CLEC18C: variants seen among roughly 807,000 people sequenced by gnomAD.
The protein encoded by CLEC18C is C-type lectin domain family 18 member C.
Under a neutral mutation model 27.2 loss-of-function variants are expected in CLEC18C, and 2 were observed. The ratio of observed to expected loss-of-function variants is 0.07; its 90% CI spans 0.03 to 0.23. The LOEUF (loss-of-function observed/expected upper bound fraction) is 0.23, where lower values mean the gene tolerates loss of function less well. CLEC18C is among the 10% of genes least tolerant of loss of function. The pLI is 1.00. For synonymous variants in CLEC18C, 13 were observed against 112.8 expected (o/e 0.12, Z 5.61); for missense variants, 31 against 269.0 (o/e 0.12, Z 6.19).
intron 4 of CLEC18C, 46 bp downstream of exon 4, chr16:70,177,526 G>C: frequency 7.4e-7 from 1 of 1,347,096 alleles, no homozygotes; most frequent in Non-Finnish European, 1.0e-6. Context: ...CCCAGATACA[G>C]ACTTCCACTG....
chr16:70,176,729 A>G (rs985835879), intron 3 of CLEC18C, among the ~76,000 whole-genome samples: 10 of 107,982 alleles, frequency 9.3e-5, no homozygotes, highest in African/African-American at 3.4e-4. Flanking sequence ...ACTCTGTCTC[A>G]AAAAAAAAAA....
Position 70,185,958 on chromosome 16 carries a change from C to T in CLEC18C, c.1285C>T (p.Arg429Cys), listed in dbSNP as rs144719711. 834 of 1,595,386 alleles carry T rather than the reference C, an allele frequency of 5.2e-4. 35 individuals are homozygous for T. The South Asian group carries it at 5.6e-3, about 11-fold the overall frequency. ...WNNQRCKTRN[R>C]YICQFAQEHI... Reference sequence around the variant, plus strand: ...CAACCAGCGCTGCAAAACCCGAAACCGTTACATCTGCCAGTTTGGTGAGGG... The same window carrying T: ...CAACCAGCGCTGCAAAACCCGAAACTGTTACATCTGCCAGTTTGGTGAGGG... The change falls in exon 12 of 13, where the codon CGT becomes TGT. Residue 429 changes from arginine (R) to cysteine (C), a missense_variant. Coordinates refer to ENST00000541793, the MANE Select transcript of CLEC18C (RefSeq NM_173619.4).
At chr16:70,176,824 G>A (rs1279618781) in intron 3 of CLEC18C, among the ~76,000 whole-genome samples, 2 of 105,912 alleles carry the variant, frequency 1.9e-5, no homozygotes, top group Admixed American at 8.4e-5. Flanking sequence ...GGGCAGAGAG[G>A]CGTGGCTGTA....
chr16:70,179,369 C>T (rs1482232018), intron 4 of CLEC18C, among the ~76,000 whole-genome samples: 34 of 111,876 alleles, frequency 3.0e-4, no homozygotes, highest in African/African-American at 1.3e-3. Context: ...ACACCATTCT[C>T]CTGCCTCAGC....
chr16:70,179,301 G>C (rs1308292496), intron 4 of CLEC18C, among the ~76,000 whole-genome samples: 1 of 134,508 alleles, frequency 7.4e-6, no homozygotes, highest in Non-Finnish European at 1.6e-5. Flanking sequence ...GCTCTGTCGC[G>C]CAGGCTACTG....
intron 3 of CLEC18C, among the ~76,000 whole-genome samples, chr16:70,175,506 T>C (rs1968255275): frequency 7.3e-6 from 1 of 136,470 alleles, no homozygotes; most frequent in Non-Finnish European, 1.5e-5. Context: ...GCCTTGCCCA[T>C]GTTCTCTGCT....
intron 4 of CLEC18C, among the ~76,000 whole-genome samples, chr16:70,179,224 C>A (rs1379247492): frequency 7.5e-6 from 1 of 133,022 alleles, no homozygotes; most frequent in Non-Finnish European, 1.6e-5. Flanking sequence ...GACCAGCAAA[C>A]CAGTTCCCAC....
At position 70,174,259 on chromosome 16, in the gene CLEC18C, C is replaced by G. The variant is rs1968189748; in HGVS notation, c.-20C>G. ...CTGAGCCAGGCTGTGCACGGAGTGC[C>G]TGACGGGCCCAACAGACCCATGCTG... On this transcript the variant is annotated 5_prime_UTR_variant, in exon 2 of 13. Coordinates refer to ENST00000541793, the MANE Select transcript of CLEC18C (RefSeq NM_173619.4). The G allele has an allele frequency of 2.3e-6, 3 of 1,311,832 alleles. No homozygotes were observed. In the African/African-American group the frequency reaches 5.2e-5, roughly 23 times the overall value. 81.3% of individuals were successfully genotyped at this position (1,311,832 alleles called of 1,614,324 possible). A position where few individuals can be genotyped will look rare whatever the true frequency, so the allele number is the denominator to read the frequency against.
chr16:70,186,019 T>G, intron 12 of CLEC18C, 43 bp downstream of exon 12: 5 of 1,437,988 alleles, frequency 3.5e-6, no homozygotes, highest in Non-Finnish European at 4.8e-6. Flanking sequence ...TCTCTGACCC[T>G]GGGGGTGCTG....
In CLEC18C at chr16:70,177,524, C is replaced by T. The variant is rs773888639; in HGVS notation, c.456+44C>T. On this transcript the variant is annotated intron_variant, in intron 4 of 12. Coordinates refer to ENST00000541793, the MANE Select transcript of CLEC18C (RefSeq NM_173619.4). Reference sequence around the variant, plus strand: ...AGGCCAGCGTGCCAGCTCCCAGATACAGACTTCCACTGGTCCATCTCAGAA... The same window carrying T: ...AGGCCAGCGTGCCAGCTCCCAGATATAGACTTCCACTGGTCCATCTCAGAA... The T allele has an allele frequency of 3.0e-6, 4 of 1,353,164 alleles. No individual in the cohort carries two copies. The Admixed American group carries it at 6.0e-5, about 20-fold the overall frequency. 83.8% of individuals were successfully genotyped at this position (1,353,164 alleles called of 1,614,324 possible).
At chr16:70,176,435 A>T (rs1968289241) in intron 3 of CLEC18C, among the ~76,000 whole-genome samples, 1 of 147,486 alleles carries the variant, frequency 6.8e-6, no homozygotes, top group Non-Finnish European at 1.5e-5. Flanking sequence ...CTTGTTTAAG[A>T]AGAGGGAGGG....
rs1968173849 is a variant in CLEC18C, at chr16:70,173,813, C to T, written c.-245C>T. ...CCCAGTTTCTGCTCACCAGAAGGAC[C>T]ATAGCCGAGGTCCTCCTCCCAGGGC... On this transcript the variant is annotated 5_prime_UTR_variant, in exon 1 of 13. Transcript: ENST00000541793. 1 of 177,508 alleles carries T rather than the reference C, an allele frequency of 5.6e-6. No homozygotes were observed. Among genetic ancestry groups the T allele is most frequent in the African/African-American group, 2.4e-5 (1 of 41,084 alleles). 11.0% of individuals were successfully genotyped at this position (177,508 alleles called of 1,614,324 possible).
intron 1 of CLEC18C, 24 bp downstream of exon 1, chr16:70,173,975 G>C (rs1222830301): frequency 6.9e-6 from 3 of 434,622 alleles, no homozygotes; most frequent in Non-Finnish European, 1.3e-5. Flanking sequence ...CCCCAAGGGT[G>C]CTAATAATCC....
intron 4 of CLEC18C, among the ~76,000 whole-genome samples, chr16:70,179,078 G>A (rs918960042): frequency 2.1e-5 from 2 of 96,770 alleles, no homozygotes; most frequent in African/African-American, 1.1e-4. Context: ...GAGCCTGGGA[G>A]GTGAAGATTG....
intron 2 of CLEC18C, chr16:70,174,654 A>AC: frequency 1.4e-6 from 1 of 728,142 alleles, no homozygotes; most frequent in East Asian, 2.8e-5. Flanking sequence ...GGCCTGGAGA[A>AC]ATCCGTGGCC....
At chr16:70,177,963 G>A (rs1968346355) in intron 4 of CLEC18C, among the ~76,000 whole-genome samples, 1 of 42,354 alleles carries the variant, frequency 2.4e-5, no homozygotes, top group Non-Finnish European at 4.6e-5. Flanking sequence ...CTGGAGTGCA[G>A]TGGCGTGATC....
chr16:70,175,827 T>A (rs1191315355), intron 3 of CLEC18C, among the ~76,000 whole-genome samples: 1 of 129,424 alleles, frequency 7.7e-6, no homozygotes, highest in Non-Finnish European at 1.6e-5. Context: ...GGTGGCTAAA[T>A]GCGGGGGGTC....
chr16:70,177,689 C>T lies in CLEC18C; in HGVS notation c.456+209C>T, dbSNP rs1248039183. 1.4e-4 allele frequency among the ~76,000 whole-genome samples: 17 copies of T among 119,856 alleles called. 2 individuals are homozygous for T. The highest frequency in any genetic ancestry group is 5.1e-4 in the African/African-American group (16 of 31,452). The allele number at this position is 119,856 out of a possible 152,430, so 78.6% of individuals were successfully genotyped here. A position where few individuals can be genotyped will look rare whatever the true frequency, so the allele number is the denominator to read the frequency against. Reference sequence around the variant, plus strand: ...CGTGATCTCGGCTCACTGCAACCTCCGCCTCCTGGACTCAAGTGATTCTTG... The same window carrying T: ...CGTGATCTCGGCTCACTGCAACCTCTGCCTCCTGGACTCAAGTGATTCTTG... On this transcript the variant is annotated intron_variant, in intron 4 of 12. Transcript: ENST00000541793.
intron 3 of CLEC18C, among the ~76,000 whole-genome samples, chr16:70,176,741 A>G (rs1186599407): frequency 1.9e-5 from 2 of 104,626 alleles, no homozygotes; most frequent in African/African-American, 4.0e-5. Flanking sequence ...AAAAAAAAAG[A>G]AGAGGGAGGG....
Sources: allele counts gnomAD v4.1 joint callset (sites outside exome capture counted in the v4.1 genomes callset), GRCh38; gene constraint gnomAD v4.1.1; transcripts MANE v1.5; gene names NCBI Gene and HGNC (gene_info 2026-07-23, HGNC 2026-07-21).